The following BACH2 variants were observed in gnomAD, a reference collection of about 807,000 sequenced individuals.
BACH2 encodes the protein BACH transcriptional regulator 2.
BACH2 carries 5 observed loss-of-function variants against 61.8 expected under a neutral mutation model. That is an observed-to-expected ratio of 0.08 (90% CI 0.04 to 0.17). The LOEUF (loss-of-function observed/expected upper bound fraction) is 0.17, where lower values mean the gene tolerates loss of function less well. BACH2 is among the 10% of genes least tolerant of loss of function. BACH2 has a pLI of 1.00. For synonymous variants in BACH2, 446 were observed against 440.1 expected (o/e 1.01, Z -0.17); for missense variants, 824 against 1,091.1 (o/e 0.76, Z 3.45).
chr6:90,187,610 A>G (rs551428630), intron 4 of BACH2, among the ~76,000 whole-genome samples: 83 of 152,362 alleles, frequency 5.4e-4, no homozygotes, highest in Middle Eastern at 6.8e-3. Flanking sequence ...GTTCACAGAG[A>G]CGGGTCATTC....
intron 4 of BACH2, among the ~76,000 whole-genome samples, chr6:90,100,677 C>G (rs1782572664): frequency 1.7e-5 from 1 of 58,400 alleles, no homozygotes; most frequent in Non-Finnish European, 3.5e-5. Context: ...TCCCTTTCCT[C>G]TCTCTCTCTA....
At chr6:90,214,051 T>C (rs1372191007) in intron 3 of BACH2, among the ~76,000 whole-genome samples, 1 of 152,146 alleles carries the variant, frequency 6.6e-6, no homozygotes, top group East Asian at 1.9e-4. Context: ...TTGCGCACTT[T>C]AGAAGAAAAA....
intron 4 of BACH2, among the ~76,000 whole-genome samples, chr6:90,141,478 G>T (rs1000607373): frequency 6.8e-6 from 1 of 146,984 alleles, no homozygotes; most frequent in Non-Finnish European, 1.5e-5. Flanking sequence ...ACCATACCCC[G>T]CCCCGATCCC....
intron 6 of BACH2, among the ~76,000 whole-genome samples, chr6:89,953,859 G>A (rs1222946113): frequency 1.3e-5 from 2 of 152,176 alleles, no homozygotes; most frequent in Admixed American, 6.5e-5. Flanking sequence ...GCAGGCAAGG[G>A]TCTTTGTTTG....
At chr6:90,059,261 C>A (rs1223259094) in intron 5 of BACH2, among the ~76,000 whole-genome samples, 1 of 152,380 alleles carries the variant, frequency 6.6e-6, no homozygotes, top group South Asian at 2.1e-4. Flanking sequence ...CTACAATGAA[C>A]TCCAACAAAT....
At chr6:89,976,655 C>A (rs1247704572) in intron 6 of BACH2, among the ~76,000 whole-genome samples, 3 of 152,188 alleles carry the variant, frequency 2.0e-5, no homozygotes, top group Non-Finnish European at 4.4e-5. Context: ...AACAATCACA[C>A]TTTATGTCTC....
intron 3 of BACH2, among the ~76,000 whole-genome samples, chr6:90,233,808 T>C (rs919229104): frequency 1.3e-5 from 2 of 152,184 alleles, no homozygotes; most frequent in African/African-American, 4.8e-5. Context: ...CCCAGGATCA[T>C]TTCAATTTTC....
In BACH2 at chr6:89,961,701, T is replaced by A. The variant is rs78439021; in HGVS notation, c.244-9839A>T. 6.0e-3 allele frequency among the ~76,000 whole-genome samples: 910 copies of A among 152,354 alleles called. 3 individuals are homozygous for A. The highest frequency in any genetic ancestry group is 0.021 in the African/African-American group (864 of 41,572). On this transcript the variant is annotated intron_variant, in intron 6 of 8. Transcript: ENST00000257749. The stretch of plus-strand genomic sequence containing the variant: ...TGTTAAGTTTCAGGAATGGAAGTTT[T>A]GGCTTAGTCAGTTATGAGTTCTTAC...
At chr6:90,171,088 G>C (rs1056250077) in intron 4 of BACH2, among the ~76,000 whole-genome samples, 1 of 151,800 alleles carries the variant, frequency 6.6e-6, no homozygotes, top group African/African-American at 2.4e-5. Flanking sequence ...GATGGGAGAG[G>C]AGAAAAAAGA....
At chr6:90,040,665 T>C (rs1417567017) in intron 5 of BACH2, among the ~76,000 whole-genome samples, 4 of 152,154 alleles carry the variant, frequency 2.6e-5, no homozygotes, top group Non-Finnish European at 5.9e-5. Context: ...ATTCACATCT[T>C]TGTTTTTTCT....
At chr6:90,138,758 T>C (rs1784366617) in intron 4 of BACH2, among the ~76,000 whole-genome samples, 1 of 152,180 alleles carries the variant, frequency 6.6e-6, no homozygotes, top group Admixed American at 6.5e-5. Context: ...TACCGATTTC[T>C]TGCCACTAAA....
At chr6:90,281,131 C>A (rs1562540561) in intron 1 of BACH2, among the ~76,000 whole-genome samples, 1 of 152,148 alleles carries the variant, frequency 6.6e-6, no homozygotes, top group Admixed American at 6.6e-5. Flanking sequence ...CATTACATTC[C>A]CTGATCTAAA....
At chr6:90,106,896 A>G (rs2127814343) in intron 4 of BACH2, among the ~76,000 whole-genome samples, 1 of 152,336 alleles carries the variant, frequency 6.6e-6, no homozygotes, top group Non-Finnish European at 1.5e-5. Context: ...TAACACCTAC[A>G]TACATGGTAG....
chr6:90,173,689 T>C (rs1038930175), intron 4 of BACH2, among the ~76,000 whole-genome samples: 28 of 152,132 alleles, frequency 1.8e-4, no homozygotes, highest in Admixed American at 2.0e-4. Context: ...AGGAAACTGA[T>C]AGCAAAAAAG....
chr6:90,183,384 T>G (rs971858464), intron 4 of BACH2, among the ~76,000 whole-genome samples: 1 of 152,248 alleles, frequency 6.6e-6, no homozygotes, highest in Non-Finnish European at 1.5e-5. Flanking sequence ...AGTAAAACTG[T>G]TGACTGGCTG....
chr6:90,090,895 A>G (rs2127808129), intron 4 of BACH2, among the ~76,000 whole-genome samples: 1 of 152,276 alleles, frequency 6.6e-6, no homozygotes, highest in Non-Finnish European at 1.5e-5. Context: ...GGCATCAAAA[A>G]GCAGAAAAAG....
At chr6:90,220,720 T>C (rs1297015043) in intron 3 of BACH2, among the ~76,000 whole-genome samples, 1 of 152,258 alleles carries the variant, frequency 6.6e-6, no homozygotes, top group Non-Finnish European at 1.5e-5. Context: ...TATTAAATGC[T>C]GTTTGAGGTC....
At chr6:90,029,452 C>T (rs917068236) in intron 5 of BACH2, among the ~76,000 whole-genome samples, 2 of 152,134 alleles carry the variant, frequency 1.3e-5, no homozygotes, top group African/African-American at 4.8e-5. Flanking sequence ...CACCCTGCTC[C>T]GTTTAAACCA....
intron 4 of BACH2, among the ~76,000 whole-genome samples, chr6:90,180,146 T>A (rs1381737555): frequency 6.6e-6 from 1 of 152,104 alleles, no homozygotes; most frequent in African/African-American, 2.4e-5. Context: ...TGCTATACAC[T>A]TTCAAGAAAC....
Sources: allele counts gnomAD v4.1 joint callset (sites outside exome capture counted in the v4.1 genomes callset), GRCh38; gene constraint gnomAD v4.1.1; transcripts MANE v1.5; gene names NCBI Gene and HGNC (gene_info 2026-07-23, HGNC 2026-07-21).